The following CFAP43 variants were observed in gnomAD, a reference collection of about 807,000 sequenced individuals.
CFAP43 encodes cilia- and flagella-associated protein 43.
CFAP43 carries 155 observed loss-of-function variants against 218.9 expected under a neutral mutation model. The ratio of observed to expected loss-of-function variants is 0.71; its 90% CI spans 0.62 to 0.81. The LOEUF is 0.81. CFAP43 is among the 30% of genes least tolerant of loss of function. The pLI, the probability that CFAP43 is intolerant of heterozygous loss-of-function variation, is 0.00. For synonymous variants in CFAP43, 645 were observed against 681.3 expected, an observed-to-expected ratio of 0.95 and a Z score of 0.83; for missense variants, 1,778 against 1,954.3, an observed-to-expected ratio of 0.91 and a Z score of 1.70.
chr10:104,220,938 A>G (rs1241531075), intron 3 of CFAP43, among the ~76,000 whole-genome samples: 1 of 148,642 alleles, frequency 6.7e-6, no homozygotes, highest in Non-Finnish European at 1.5e-5. Context: ...TTCTAACTCT[A>G]TATGAGTGAG....
chr10:104,210,354 A>G (rs1353322533), intron 5 of CFAP43, among the ~76,000 whole-genome samples: 1 of 152,222 alleles, frequency 6.6e-6, no homozygotes, highest in Non-Finnish European at 1.5e-5. Flanking sequence ...ACACTGAATT[A>G]TTTTTATTTT....
At chr10:104,146,146 G>A in intron 30 of CFAP43, 117 bp downstream of exon 30, 1 of 755,080 alleles carries the variant, frequency 1.3e-6, no homozygotes. Context: ...CCATAGCTGA[G>A]AATTAAGTGG....
rs552406276 is a variant in CFAP43, at chr10:104,193,800, G to C, written c.1442+66C>G. 4.0e-5 allele frequency: 61 copies of C among 1,537,320 alleles called. No homozygotes were observed. In the East Asian group the frequency reaches 1.2e-3, roughly 30 times the overall value. ...AAACTTAAAATTAAAAGAAAGGATG[G>C]CTTCACTAGAATTTTCAACAGACGG... On this transcript the variant is annotated intron_variant, in intron 11 of 37. Coordinates refer to ENST00000357060, the MANE Select transcript of CFAP43 (RefSeq NM_025145.7).
chr10:104,149,176 G>T (rs995724267), intron 28 of CFAP43, among the ~76,000 whole-genome samples: 8 of 152,220 alleles, frequency 5.3e-5, no homozygotes, highest in African/African-American at 1.9e-4. Context: ...TGGCAGCTGG[G>T]TCCAGAAGCC....
intron 3 of CFAP43, among the ~76,000 whole-genome samples, chr10:104,216,165 C>G (rs187618965): frequency 3.9e-5 from 6 of 152,312 alleles, no homozygotes; most frequent in Admixed American, 3.3e-4. Flanking sequence ...CTTTCCTCAT[C>G]CCAGGATACC....
chr10:104,209,134 T>C (rs745728506), intron 5 of CFAP43, among the ~76,000 whole-genome samples: 5 of 152,296 alleles, frequency 3.3e-5, no homozygotes, highest in African/African-American at 7.2e-5. Flanking sequence ...AGAAATGACA[T>C]TGAAGGAGGG....
chr10:104,154,717 CTT>C (rs1265476973), intron 27 of CFAP43, among the ~76,000 whole-genome samples: 3 of 152,224 alleles, frequency 2.0e-5, no homozygotes, highest in Non-Finnish European at 4.4e-5. Flanking sequence ...CTGAAAGAAT[CTT>C]TTTGTAGTGT....
At chr10:104,216,038 C>T (rs760593190) in intron 3 of CFAP43, among the ~76,000 whole-genome samples, 1 of 152,132 alleles carries the variant, frequency 6.6e-6, no homozygotes, top group South Asian at 2.1e-4. Context: ...CTCATCCATA[C>T]CATCCTCAAA....
At chr10:104,178,858 G>A (rs1453856602) in intron 19 of CFAP43, among the ~76,000 whole-genome samples, 171 bp downstream of exon 19, 2 of 152,164 alleles carry the variant, frequency 1.3e-5, no homozygotes, top group Non-Finnish European at 2.9e-5. Flanking sequence ...AACCGCTGTT[G>A]ATATGGAGTG....
At chr10:104,193,713 C>T (rs2090298873) in intron 11 of CFAP43, 153 bp downstream of exon 11, 1 of 1,088,618 alleles carries the variant, frequency 9.2e-7, no homozygotes, top group Non-Finnish European at 1.3e-6. Flanking sequence ...ACACAGCCCT[C>T]TGTACCTTTT....
intron 1 of CFAP43, 46 bp from the exon 2 acceptor site, chr10:104,230,889 C>CTT (rs749012597): frequency 1.8e-4 from 226 of 1,236,044 alleles, no homozygotes; most frequent in South Asian, 7.6e-4. Context: ...ATTTCAAATA[C>CTT]TTTTTTTTTT....
intron 21 of CFAP43, among the ~76,000 whole-genome samples, chr10:104,168,465 T>C (rs2089274610): frequency 6.6e-6 from 1 of 152,116 alleles, no homozygotes; most frequent in Admixed American, 6.6e-5. Flanking sequence ...AGCAGACAGC[T>C]ATTAAGACCC....
At chr10:104,165,973 G>A (rs1471226785) in intron 23 of CFAP43, among the ~76,000 whole-genome samples, 1 of 152,222 alleles carries the variant, frequency 6.6e-6, no homozygotes, top group Non-Finnish European at 1.5e-5. Context: ...TGGTATCACA[G>A]TAACCTAGTC....
At chr10:104,165,054 A>G (rs181082917) in intron 23 of CFAP43, among the ~76,000 whole-genome samples, 3 of 152,346 alleles carry the variant, frequency 2.0e-5, no homozygotes, top group Admixed American at 1.3e-4. Flanking sequence ...TAGTTTGTAG[A>G]AAGTATTTGG....
rs41291844 is a variant in CFAP43 at position 104,207,815 on chromosome 10, C to G, written c.745G>C (p.Asp249His). 6.2e-7 allele frequency: 1 copy of G among 1,610,548 alleles called. No individual in the cohort carries two copies. The highest frequency in any genetic ancestry group is 1.3e-5 in the African/African-American group (1 of 74,812). ...GTCGGGTGAAGCAAAGGATATAGAT[C>G]ATCTTTCGGCTTCAGGGAGAGAATA... ...KEAETFRPKD[D>H]LYPLLHPTMH... Residue 249 changes from aspartate to histidine, a missense_variant, in exon 6 of 38, where the codon GAT becomes CAT. This residue lies in a region of CFAP43 where 1,553 missense variants were observed against 1,685.2 expected (regional missense o/e 0.92). Coordinates refer to ENST00000357060, the MANE Select transcript of CFAP43 (RefSeq NM_025145.7).
chr10:104,132,474 C>G (rs1045261040), intron 35 of CFAP43: 2 of 243,202 alleles, frequency 8.2e-6, no homozygotes, highest in African/African-American at 4.7e-5. Flanking sequence ...ATTAGTTGGG[C>G]GTGGTGGCAC....
rs367559937 is a variant in CFAP43, at chr10:104,214,422, A to T, written c.421T>A (p.Trp141Arg). The change falls in exon 4 of 38, where the codon TGG (tryptophan) becomes AGG (arginine). Residue 141 changes from tryptophan (W) to arginine (R), a missense_variant. Physicochemically the swap from Trp to Arg is moderately radical, Grantham distance 101. This residue lies in a region of CFAP43 where 1,553 missense variants were observed against 1,685.2 expected (regional missense o/e 0.92). Coordinates refer to ENST00000357060, the MANE Select transcript of CFAP43 (RefSeq NM_025145.7). Reference protein sequence around the residue: ...LPEFELALWNWESSIILCKKS... With the variant: ...LPEFELALWNRESSIILCKKS... ...TTACACAAAATGATACTCGATTCCC[A>T]GTTCCTTAGAGAAAAATAGCATTTG... 1.9e-6 allele frequency: 3 copies of T among 1,569,036 alleles called. No individual in the cohort carries two copies. Among genetic ancestry groups the T allele is most frequent in the Non-Finnish European group, 2.6e-6 (3 of 1,154,936 alleles).
intron 8 of CFAP43, 92 bp from the exon 9 acceptor site, chr10:104,198,130 C>T (rs2090429911): frequency 1.4e-6 from 1 of 721,782 alleles, no homozygotes; most frequent in South Asian, 1.9e-5. Context: ...AACCAAGGCT[C>T]TATGTGGAAA....
intron 4 of CFAP43, among the ~76,000 whole-genome samples, chr10:104,212,724 A>C (rs2090901584): frequency 6.6e-6 from 1 of 152,216 alleles, no homozygotes; most frequent in African/African-American, 2.4e-5. Flanking sequence ...TTCATTTTCA[A>C]ATTTATCATA....
Sources: allele counts gnomAD v4.1 joint callset (sites outside exome capture counted in the v4.1 genomes callset), GRCh38; gene constraint gnomAD v4.1.1; regional missense constraint gnomAD v4.1.1; transcripts MANE v1.5; gene names NCBI Gene and HGNC (gene_info 2026-07-23, HGNC 2026-07-21).